Variants in CADM2 observed in about 807,000 individuals in gnomAD.
The protein encoded by CADM2 is immunoglobulin superfamily member 4D.
In CADM2, 12 loss-of-function variants were observed where a neutral mutation model predicts 49.8. The observed-to-expected ratio is 0.24, with a 90% CI of 0.15 to 0.39. The LOEUF is 0.39. Ranked by LOEUF, CADM2 falls within the 10% of genes least tolerant of loss-of-function variation. The pLI, the probability that CADM2 is intolerant of heterozygous loss-of-function variation, is 1.00. For synonymous variants in CADM2, 214 were observed against 175.4 expected (o/e 1.22, Z -1.74); for missense variants, 378 against 492.3 (o/e 0.77, Z 2.20).
intron 1 of CADM2, among the ~76,000 whole-genome samples, chr3:85,684,836 A>T (rs951527887): frequency 6.6e-6 from 1 of 152,292 alleles, no homozygotes; most frequent in Middle Eastern, 3.4e-3. Flanking sequence ...CGCCCACAAC[A>T]TGCAGGAATT....
At chr3:85,601,480 G>GA (rs1205087095) in intron 1 of CADM2, among the ~76,000 whole-genome samples, 2 of 150,922 alleles carry the variant, frequency 1.3e-5, no homozygotes, top group Non-Finnish European at 3.0e-5. Context: ...CATAAAATAT[G>GA]AAAAATCTTT....
chr3:85,967,948 T>A (rs1725667675), intron 8 of CADM2, among the ~76,000 whole-genome samples: 1 of 151,480 alleles, frequency 6.6e-6, no homozygotes, highest in African/African-American at 2.4e-5. Context: ...GACCTACCAG[T>A]TGGTAAGTTA....
chr3:85,042,750 C>G (rs560858213), intron 1 of CADM2, among the ~76,000 whole-genome samples: 66 of 152,134 alleles, frequency 4.3e-4, no homozygotes, highest in Non-Finnish European at 7.5e-4. Flanking sequence ...TTCCAAACAA[C>G]TTTCCTGGTG....
chr3:85,172,712 A>T (rs2040660131), intron 1 of CADM2, among the ~76,000 whole-genome samples: 2 of 151,754 alleles, frequency 1.3e-5, no homozygotes, highest in Admixed American at 6.6e-5. Context: ...GGGAGATTTA[A>T]GTGATGGTCT....
intron 1 of CADM2, among the ~76,000 whole-genome samples, chr3:85,117,543 G>A (rs2038682791): frequency 6.6e-6 from 1 of 152,028 alleles, no homozygotes; most frequent in African/African-American, 2.4e-5. Flanking sequence ...GCCTCAGGGT[G>A]TTTTGATTTT....
chr3:85,335,620 T>C (rs2045059733), intron 1 of CADM2, among the ~76,000 whole-genome samples: 1 of 151,424 alleles, frequency 6.6e-6, no homozygotes, highest in Admixed American at 6.6e-5. Context: ...TACAATATGT[T>C]ATTGGTTTTT....
intron 1 of CADM2, among the ~76,000 whole-genome samples, chr3:85,112,200 T>C (rs377496357): frequency 1.3e-5 from 2 of 151,942 alleles, no homozygotes; most frequent in South Asian, 2.1e-4. Flanking sequence ...TAAAATATCA[T>C]AGATCCATAT....
In CADM2 at chr3:85,930,361, A is replaced by T. The variant is rs181057880; in HGVS notation, c.701-5406A>T. On this transcript the variant is annotated intron_variant, in intron 6 of 9. Transcript: ENST00000383699. ...TGTATATATTTATGGGGTACATGAG[A>T]TGTTTTGATACAGGCATGCAAAACG... Among the ~76,000 whole-genome samples the T allele has an allele frequency of 3.4e-3, 513 of 152,240 alleles. 1 individual carries two copies. Among genetic ancestry groups the T allele is most frequent in the Admixed American group, 4.3e-3 (66 of 15,294 alleles).
intron 1 of CADM2, among the ~76,000 whole-genome samples, chr3:85,019,547 C>A (rs746682780): frequency 5.3e-5 from 8 of 152,122 alleles, no homozygotes; most frequent in Non-Finnish European, 1.2e-4. Context: ...CAAACCAAAA[C>A]AATTGGCCAC....
intron 1 of CADM2, among the ~76,000 whole-genome samples, chr3:85,719,719 G>T (rs747372285): frequency 6.6e-6 from 1 of 151,470 alleles, no homozygotes; most frequent in African/African-American, 2.4e-5. Context: ...AAATTTGCTT[G>T]TAAGTGGACT....
chr3:84,960,483 C>A (rs547976044), intron 1 of CADM2: 4 of 144,550 alleles, frequency 2.8e-5, no homozygotes, highest in African/African-American at 7.5e-5. Context: ...TGTGTCGTTT[C>A]TTTTTTTTTT....
chr3:85,489,661 GAAA>G (rs56088977), intron 1 of CADM2, among the ~76,000 whole-genome samples: 1 of 127,742 alleles, frequency 7.8e-6, no homozygotes, highest in African/African-American at 3.0e-5. Flanking sequence ...AATAATAAAA[GAAA>G]AAAAATCAAA....
At chr3:85,224,641 A>T (rs897069934) in intron 1 of CADM2, among the ~76,000 whole-genome samples, 3 of 152,048 alleles carry the variant, frequency 2.0e-5, no homozygotes, top group African/African-American at 7.2e-5. Context: ...TTTTGTTGCC[A>T]TTGCTTTTGG....
chr3:85,539,139 T>G (rs2061485783), intron 1 of CADM2, among the ~76,000 whole-genome samples: 1 of 94,416 alleles, frequency 1.1e-5, no homozygotes, highest in South Asian at 3.3e-4. Context: ...TAGATTTACA[T>G]TAAAAAAAAA....
intron 1 of CADM2, among the ~76,000 whole-genome samples, chr3:85,622,891 T>A (rs2064017898): frequency 6.6e-6 from 1 of 152,156 alleles, no homozygotes; most frequent in Admixed American, 6.6e-5. Flanking sequence ...TTGTTTTCTG[T>A]ACTCAAATGG....
At chr3:85,940,488 C>G (rs1327386971) in intron 7 of CADM2, among the ~76,000 whole-genome samples, 1 of 151,886 alleles carries the variant, frequency 6.6e-6, no homozygotes, top group Non-Finnish European at 1.5e-5. Context: ...TCAAAGAAAG[C>G]AAGTTATCAT....
chr3:85,359,666 A>ATATATATATATATTTTTTT lies in CADM2; in HGVS notation c.62-366855_62-366854insATATATATATATTTTTTTT. ...TATATATATATATATATATATATATATTTTTTTTTTTGGTGGAGGGGAGAA... is the reference window on the plus strand; with the variant it reads ...TATATATATATATATATATATATATATATATATATATATTTTTTTTTTTTTTTTTTGGTGGAGGGGAGAA... On this transcript the variant is annotated intron_variant, in intron 1 of 9. Coordinates refer to ENST00000383699, the MANE Select transcript of CADM2 (RefSeq NM_001167675.2). Among the ~76,000 whole-genome samples, 65 of 26,542 alleles carry ATATATATATATATTTTTTT rather than the reference A, an allele frequency of 2.4e-3. 4 individuals carry two copies. The highest frequency in any genetic ancestry group is 4.0e-3 in the East Asian group (3 of 752). 17.4% of individuals were successfully genotyped at this position (26,542 alleles called of 152,430 possible).
chr3:85,890,153 A>G (rs1047401997), intron 5 of CADM2, among the ~76,000 whole-genome samples: 4 of 152,012 alleles, frequency 2.6e-5, no homozygotes, highest in African/African-American at 9.7e-5. Context: ...GAGGACTTCA[A>G]TATTGAAAGG....
intron 1 of CADM2, among the ~76,000 whole-genome samples, chr3:85,586,251 A>G (rs1409402543): frequency 3.3e-5 from 5 of 152,114 alleles, no homozygotes; most frequent in African/African-American, 9.7e-5. Context: ...TGCTGAGACA[A>G]AACAGTTTCA....
Sources: gnomAD v4.1 joint callset for allele counts (sites outside exome capture counted in the v4.1 genomes callset) on GRCh38, gnomAD v4.1.1 for gene constraint, MANE v1.5 for transcripts, NCBI Gene and HGNC (gene_info 2026-07-23, HGNC 2026-07-21) for gene names.